Variants in LRRC4C observed in about 807,000 individuals in gnomAD.
LRRC4C encodes the protein leucine rich repeat containing 4C.
A neutral mutation model predicts 33.6 loss-of-function variants in LRRC4C; 5 were observed. That is an observed-to-expected ratio of 0.15 (90% CI 0.08 to 0.31). The LOEUF (loss-of-function observed/expected upper bound fraction) is 0.31, where lower values mean the gene tolerates loss of function less well. Among genes scored for constraint, LRRC4C ranks in the 10% least tolerant of loss-of-function variants. The pLI is 1.00. For missense variants in LRRC4C, 560 were observed against 796.7 expected (o/e 0.70, Z 3.58); for synonymous variants, 329 against 302.0 (o/e 1.09, Z -0.93).
chr11:40,675,085 T>G (rs931427250), intron 2 of LRRC4C, among the ~76,000 whole-genome samples: 1 of 152,154 alleles, frequency 6.6e-6, no homozygotes, highest in Non-Finnish European at 1.5e-5. Context: ...ACTTTTAAAT[T>G]TATTTCATTG....
intron 3 of LRRC4C, among the ~76,000 whole-genome samples, chr11:40,358,894 C>T (rs768567710): frequency 3.9e-5 from 6 of 152,084 alleles, no homozygotes; most frequent in Non-Finnish European, 8.8e-5. Flanking sequence ...TTAACAAATG[C>T]TCTCAAATGT....
intron 2 of LRRC4C, among the ~76,000 whole-genome samples, chr11:40,853,690 C>T (rs1382185942): frequency 2.6e-5 from 4 of 152,084 alleles, no homozygotes; most frequent in Admixed American, 2.6e-4. Flanking sequence ...TAATGTACAC[C>T]TCATTTATTA....
At chr11:40,119,851 T>C (rs1443006191) in intron 6 of LRRC4C, among the ~76,000 whole-genome samples, 1 of 152,106 alleles carries the variant, frequency 6.6e-6, no homozygotes, top group Non-Finnish European at 1.5e-5. Flanking sequence ...TATCAGGTTC[T>C]CCCAGGACTC....
At chr11:40,507,298 A>G (rs1235004135) in intron 3 of LRRC4C, among the ~76,000 whole-genome samples, 2 of 152,158 alleles carry the variant, frequency 1.3e-5, no homozygotes, top group Admixed American at 6.5e-5. Flanking sequence ...CCGGAAGAAA[A>G]GTCTAAAAAT....
chr11:41,184,416 C>A (rs1172860453), intron 1 of LRRC4C, among the ~76,000 whole-genome samples: 1 of 152,128 alleles, frequency 6.6e-6, no homozygotes, highest in Admixed American at 6.5e-5. Flanking sequence ...CCTAAATCAT[C>A]TCTCTCAAGT....
At chr11:40,498,984 T>A (rs1317931195) in intron 3 of LRRC4C, among the ~76,000 whole-genome samples, 1 of 152,182 alleles carries the variant, frequency 6.6e-6, no homozygotes, top group Non-Finnish European at 1.5e-5. Flanking sequence ...CCTCTCCCCA[T>A]GTTACCAGGG....
chr11:41,239,514 G>T (rs970510391), intron 1 of LRRC4C, among the ~76,000 whole-genome samples: 3 of 151,848 alleles, frequency 2.0e-5, no homozygotes, highest in African/African-American at 7.3e-5. Context: ...CTTTGAACTG[G>T]CTATTCCCTG....
intron 2 of LRRC4C, among the ~76,000 whole-genome samples, chr11:40,812,225 G>A (rs1344593481): frequency 6.6e-6 from 1 of 152,138 alleles, no homozygotes; most frequent in African/African-American, 2.4e-5. Flanking sequence ...GACTGTAGTA[G>A]AAAGCACATG....
intron 1 of LRRC4C, among the ~76,000 whole-genome samples, chr11:41,345,525 G>A (rs1443434562): frequency 6.6e-6 from 1 of 152,172 alleles, no homozygotes; most frequent in African/African-American, 2.4e-5. Flanking sequence ...TACAACAACT[G>A]CCTCTAATTT....
chr11:40,683,605 T>C (rs984546425), intron 2 of LRRC4C, among the ~76,000 whole-genome samples: 1 of 152,122 alleles, frequency 6.6e-6, no homozygotes, highest in Non-Finnish European at 1.5e-5. Context: ...GAATGAATCA[T>C]ATGTACTGAA....
intron 1 of LRRC4C, among the ~76,000 whole-genome samples, chr11:41,431,871 CT>C (rs1378224403): frequency 1.3e-5 from 2 of 152,030 alleles, no homozygotes; most frequent in Non-Finnish European, 2.9e-5. Context: ...TATGGCCCAC[CT>C]TAGGTTTTTG....
rs1958291024 is a variant in LRRC4C, at chr11:40,578,140, GGTT to G, written c.-270+69999_-270+70001del. On this transcript the variant is annotated intron_variant, in intron 3 of 6. Transcript: ENST00000528697. ...TGATATTATTGGACTTTTTTTTTTC[GGTT>G]TTTTTTTTTTTTTTTTTTTTTTTTT... is the stretch of plus-strand genomic sequence containing the variant. Among the ~76,000 whole-genome samples, 241 of 40,566 alleles carry G rather than the reference GGTT, an allele frequency of 5.9e-3. 104 individuals are homozygous for G. Among genetic ancestry groups the G allele is most frequent in the African/African-American group, 0.029 (204 of 7,092 alleles). The allele number at this position is 40,566 out of a possible 152,430, so 26.6% of individuals were successfully genotyped here. A position where few individuals can be genotyped will look rare whatever the true frequency, so the allele number is the denominator to read the frequency against.
At chr11:41,393,886 CATATGTTTACTCCTCACCAACTAGTCT>C (rs1953701716) in intron 1 of LRRC4C, among the ~76,000 whole-genome samples, 1 of 151,980 alleles carries the variant, frequency 6.6e-6, no homozygotes, top group African/African-American at 2.4e-5. Flanking sequence ...CATTTCCTTG[CATATGTTTACTCCTCACCAACTAGTCT>C]ATATGTGTAT....
intron 1 of LRRC4C, among the ~76,000 whole-genome samples, chr11:41,222,348 C>T (rs1032650424): frequency 2.0e-5 from 3 of 152,158 alleles, no homozygotes; most frequent in Admixed American, 2.0e-4. Context: ...TCCATACAGA[C>T]AGCTGACACT....
At chr11:40,620,057 T>TG (rs1461067027) in intron 3 of LRRC4C, among the ~76,000 whole-genome samples, 19 of 35,186 alleles carry the variant, frequency 5.4e-4, no homozygotes, top group Non-Finnish European at 8.0e-4. Flanking sequence ...AAAAAATACC[T>TG]GAAAAAAAAA....
rs1942985812 is a variant in LRRC4C, at chr11:40,274,873, C to T, written c.-175-33275G>A. Reference sequence around the variant, plus strand: ...GTAGGAAACAGCCATTACAAAGGTGCTGCTAAGAAGCTACAAGTGAAATGC... The same window carrying T: ...GTAGGAAACAGCCATTACAAAGGTGTTGCTAAGAAGCTACAAGTGAAATGC... On this transcript the variant is annotated intron_variant, in intron 4 of 6. Coordinates refer to ENST00000528697, the MANE Select transcript of LRRC4C (RefSeq NM_001258419.2). Among the ~76,000 whole-genome samples the T allele has an allele frequency of 2.0e-5, 3 of 152,262 alleles. 1 individual carries two copies. The South Asian group carries it at 6.2e-4, about 32-fold the overall frequency.
chr11:40,809,664 C>T (rs962265337), intron 2 of LRRC4C, among the ~76,000 whole-genome samples: 2 of 152,106 alleles, frequency 1.3e-5, no homozygotes, highest in Admixed American at 6.6e-5. Context: ...AACTTCAGCA[C>T]CTAGAATTAT....
At chr11:40,715,502 T>C (rs1286013859) in intron 2 of LRRC4C, among the ~76,000 whole-genome samples, 3 of 152,224 alleles carry the variant, frequency 2.0e-5, no homozygotes, top group Admixed American at 6.5e-5. Context: ...AAATATTGAA[T>C]GTGTACCTAC....
intron 2 of LRRC4C, among the ~76,000 whole-genome samples, chr11:40,701,901 G>C (rs1189595791): frequency 6.6e-6 from 1 of 151,788 alleles, no homozygotes; most frequent in Non-Finnish European, 1.5e-5. Context: ...GTTTGAATTT[G>C]TGAGGTAACT....
Sources: allele counts gnomAD v4.1 joint callset (sites outside exome capture counted in the v4.1 genomes callset), GRCh38; gene constraint gnomAD v4.1.1; transcripts MANE v1.5; gene names NCBI Gene and HGNC (gene_info 2026-07-23, HGNC 2026-07-21).